MED27: variants seen among roughly 807,000 people sequenced by gnomAD.
The protein encoded by MED27 is mediator of RNA polymerase II transcription subunit 27.
A neutral mutation model predicts 38.2 loss-of-function variants in MED27; 30 were observed. The ratio of observed to expected loss-of-function variants is 0.79; its 90% CI spans 0.59 to 1.07. The LOEUF is 1.07. MED27 is among the 50% of genes least tolerant of loss of function. MED27 has a pLI of 0.00. For missense variants in MED27, 289 were observed against 397.5 expected, an observed-to-expected ratio of 0.73 and a Z score of 2.32; for synonymous variants, 122 against 153.5, an observed-to-expected ratio of 0.79 and a Z score of 1.52.
chr9:131,863,033 A>G, intron 7 of MED27, 30 bp downstream of exon 7: 1 of 1,604,504 alleles, frequency 6.2e-7, no homozygotes, highest in Non-Finnish European at 8.5e-7. Context: ...TGAGGTTTAA[A>G]CAGGAGACCT....
intron 6 of MED27, among the ~76,000 whole-genome samples, chr9:131,875,946 G>C (rs1308606754): frequency 1.3e-5 from 2 of 152,174 alleles, no homozygotes; most frequent in African/African-American, 4.8e-5. Flanking sequence ...TGAGGCAAGT[G>C]AATCCACACA....
chr9:131,904,198 C>T (rs1043415552), intron 4 of MED27, among the ~76,000 whole-genome samples: 28 of 152,022 alleles, frequency 1.8e-4, no homozygotes, highest in Non-Finnish European at 3.2e-4. Context: ...TGCGACCAGC[C>T]CAGCTATTTT....
chr9:132,073,486 T>G, intron 2 of MED27: 1 of 1,203,068 alleles, frequency 8.3e-7, no homozygotes, highest in Non-Finnish European at 1.0e-6. Flanking sequence ...CCCTGAGCCT[T>G]ATAGTTTACC....
chr9:131,932,495 C>T (rs1217176457), intron 4 of MED27, among the ~76,000 whole-genome samples: 1 of 151,502 alleles, frequency 6.6e-6, no homozygotes, highest in East Asian at 1.9e-4. Flanking sequence ...CAACTACATG[C>T]CAATACATTG....
chr9:132,079,497 A>G, intron 1 of MED27, 145 bp downstream of exon 1: 1 of 728,690 alleles, frequency 1.4e-6, no homozygotes, highest in Non-Finnish European at 2.3e-6. Flanking sequence ...CCTGAGGGAC[A>G]GGCAGAGGCT....
At chr9:131,911,482 G>C (rs1266306005) in intron 4 of MED27, among the ~76,000 whole-genome samples, 1 of 152,136 alleles carries the variant, frequency 6.6e-6, no homozygotes, top group African/African-American at 2.4e-5. Flanking sequence ...GACCAAATAA[G>C]GGTTTGGAAC....
At chr9:131,974,758 C>T (rs1487589354) in intron 3 of MED27, among the ~76,000 whole-genome samples, 3 of 152,196 alleles carry the variant, frequency 2.0e-5, no homozygotes, top group Non-Finnish European at 2.9e-5. Flanking sequence ...AAACTTTCCT[C>T]CCAACTCACC....
chr9:132,068,954 G>C (rs1564348320), intron 2 of MED27, among the ~76,000 whole-genome samples: 2 of 152,194 alleles, frequency 1.3e-5, no homozygotes, highest in African/African-American at 4.8e-5. Flanking sequence ...ACCATGAAGA[G>C]AGAAGACAAG....
intron 6 of MED27, among the ~76,000 whole-genome samples, chr9:131,867,139 A>G (rs1345458919): frequency 6.6e-6 from 1 of 152,212 alleles, no homozygotes; most frequent in African/African-American, 2.4e-5. Flanking sequence ...CTAGTGCCTG[A>G]TGCAGAGGTC....
In MED27 at chr9:132,052,574, CT is replaced by C. The variant is rs546180725; in HGVS notation, c.348+24867del. Among the ~76,000 whole-genome samples, 89 of 12,130 alleles carry C rather than the reference CT, an allele frequency of 7.3e-3. 1 individual carries two copies. In the East Asian group the frequency reaches 0.46, roughly 63 times the overall value. 8.0% of individuals were successfully genotyped at this position (12,130 alleles called of 152,430 possible). On this transcript the variant is annotated intron_variant, in intron 2 of 7. Coordinates refer to ENST00000292035, the MANE Select transcript of MED27 (RefSeq NM_004269.4). ...ATTACCTGTCTATTCCATTCTCTCT[CT>C]TTTAAAAAAAAAATAGTGGTTTCAG... is the stretch of plus-strand genomic sequence containing the variant.
chr9:132,079,612 C>T (rs1354149238), intron 1 of MED27, 30 bp downstream of exon 1: 2 of 1,610,824 alleles, frequency 1.2e-6, no homozygotes, highest in South Asian at 2.2e-5. Flanking sequence ...GGGCCGGTCC[C>T]CGACCCCGGC....
chr9:131,996,448 C>T (rs922100718), intron 3 of MED27, among the ~76,000 whole-genome samples: 11 of 152,144 alleles, frequency 7.2e-5, no homozygotes, highest in African/African-American at 2.7e-4. Context: ...GAGAACGAGA[C>T]TAACTGCAGA....
intron 3 of MED27, among the ~76,000 whole-genome samples, chr9:131,968,775 C>T (rs764141892): frequency 2.6e-5 from 4 of 152,208 alleles, no homozygotes; most frequent in Non-Finnish European, 5.9e-5. Flanking sequence ...AGGAACTGGG[C>T]CGCACAGCAG....
chr9:132,011,892 A>G (rs1010808703), intron 3 of MED27, among the ~76,000 whole-genome samples: 3 of 151,962 alleles, frequency 2.0e-5, no homozygotes, highest in Admixed American at 2.0e-4. Context: ...TTCTCTTTGA[A>G]ACTATTTTGA....
At chr9:132,008,605 A>C (rs531854797) in intron 3 of MED27, among the ~76,000 whole-genome samples, 16 of 152,354 alleles carry the variant, frequency 1.1e-4, no homozygotes, top group African/African-American at 3.4e-4. Context: ...ATGGGAGCTC[A>C]GGGAGGAATC....
At chr9:131,893,116 T>C (rs1027691353) in intron 5 of MED27, among the ~76,000 whole-genome samples, 2 of 152,186 alleles carry the variant, frequency 1.3e-5, no homozygotes, top group Admixed American at 6.5e-5. Flanking sequence ...TGAGTGCTAG[T>C]ATTCATACTA....
chr9:132,057,509 C>G (rs1425129864), intron 2 of MED27, among the ~76,000 whole-genome samples: 2 of 152,246 alleles, frequency 1.3e-5, no homozygotes, highest in Non-Finnish European at 2.9e-5. Context: ...AGGTCACATG[C>G]ATATGGTGTT....
intron 2 of MED27, among the ~76,000 whole-genome samples, chr9:132,026,148 G>A (rs928657643): frequency 5.3e-5 from 8 of 152,194 alleles, no homozygotes; most frequent in African/African-American, 1.9e-4. Context: ...CAACCAAAAT[G>A]AGGAGCAGCA....
rs77904907 is a variant in MED27 at position 131,991,557 on chromosome 9, T to C, written c.479+22780A>G. Among the ~76,000 whole-genome samples the C allele has an allele frequency of 7.3e-3, 1,110 of 152,294 alleles. 6 individuals are homozygous for C. The highest frequency in any genetic ancestry group is 0.011 in the Non-Finnish European group (766 of 68,020). Reference sequence around the variant, plus strand: ...TGATATTTTTAATCTAATTTCCTGTTTTAAGGCACCACACTTAACATACAT... The same window carrying C: ...TGATATTTTTAATCTAATTTCCTGTCTTAAGGCACCACACTTAACATACAT... On this transcript the variant is annotated intron_variant, in intron 3 of 7. Transcript: ENST00000292035.
Sources: allele counts gnomAD v4.1 joint callset (sites outside exome capture counted in the v4.1 genomes callset), GRCh38; gene constraint gnomAD v4.1.1; transcripts MANE v1.5; gene names NCBI Gene and HGNC (gene_info 2026-07-23, HGNC 2026-07-21).